The following CLVS1 variants were observed in gnomAD, a reference collection of about 807,000 sequenced individuals.
CLVS1 encodes clavesin 1, also known as clavesin-1.
A neutral mutation model predicts 33.1 loss-of-function variants in CLVS1; 10 were observed. The ratio of observed to expected loss-of-function variants is 0.30; its 90% confidence interval spans 0.19 to 0.51. The LOEUF (loss-of-function observed/expected upper bound fraction) is 0.51, where lower values mean the gene tolerates loss of function less well. Among genes scored for constraint, CLVS1 ranks in the 20% least tolerant of loss-of-function variants. CLVS1 has a pLI of 0.97. For synonymous variants in CLVS1, 163 were observed against 166.1 expected (o/e 0.98, Z 0.14); for missense variants, 343 against 433.4 (o/e 0.79, Z 1.85).
At chr8:61,483,412 T>A (rs1285787366) in intron 5 of CLVS1, among the ~76,000 whole-genome samples, 2 of 152,182 alleles carry the variant, frequency 1.3e-5, no homozygotes, top group Non-Finnish European at 2.9e-5. Context: ...AATCCCTGAA[T>A]ACACCAATAA....
chr8:61,183,848 A>G (rs1249096286), intron 2 of CLVS1, among the ~76,000 whole-genome samples: 2 of 152,220 alleles, frequency 1.3e-5, no homozygotes, highest in Non-Finnish European at 2.9e-5. Flanking sequence ...TGACAAGCTC[A>G]GGACAAAATC....
At chr8:61,296,856 C>G (rs557496460) in intron 1 of CLVS1, among the ~76,000 whole-genome samples, 2 of 152,234 alleles carry the variant, frequency 1.3e-5, no homozygotes, top group East Asian at 3.9e-4. Flanking sequence ...TTTGGCCACA[C>G]CCTGTATCAG....
intron 2 of CLVS1, among the ~76,000 whole-genome samples, chr8:61,263,343 C>T (rs1809244908): frequency 6.6e-6 from 1 of 152,152 alleles, no homozygotes; most frequent in African/African-American, 2.4e-5. Flanking sequence ...TAAAAATGCA[C>T]AGTTGATTTT....
chr8:61,174,954 G>A (rs986265282), intron 2 of CLVS1, among the ~76,000 whole-genome samples: 3 of 89,574 alleles, frequency 3.3e-5, no homozygotes, highest in East Asian at 2.6e-4. Flanking sequence ...ACCTAAGAGC[G>A]GAGACCTAGG....
intron 2 of CLVS1, among the ~76,000 whole-genome samples, chr8:61,143,303 A>C (rs998079359): frequency 1.3e-5 from 2 of 152,204 alleles, no homozygotes; most frequent in African/African-American, 4.8e-5. Context: ...AATAAGCCCC[A>C]GGATTCGCAC....
intron 3 of CLVS1, among the ~76,000 whole-genome samples, chr8:61,449,832 ACC>A (rs1816890333): frequency 1.3e-5 from 2 of 152,022 alleles, no homozygotes; most frequent in African/African-American, 4.8e-5. Context: ...TCTTCTCTCC[ACC>A]TTTGAAGTCT....
chr8:61,298,540 G>A (rs1443233846), intron 1 of CLVS1, among the ~76,000 whole-genome samples: 2 of 152,058 alleles, frequency 1.3e-5, no homozygotes, highest in African/African-American at 4.8e-5. Flanking sequence ...ATTAAGCAGA[G>A]CAATCATCAT....
chr8:61,368,311 A>T (rs1340650448), intron 2 of CLVS1, among the ~76,000 whole-genome samples: 1 of 152,246 alleles, frequency 6.6e-6, no homozygotes, highest in East Asian at 1.9e-4. Context: ...GGTGGATATG[A>T]ATGCTTTGCA....
chr8:61,053,356 G>A (rs11998416), upstream of CLVS1, among the ~76,000 whole-genome samples: 73,908 of 152,024 alleles, frequency 0.49, 18,534 homozygotes, highest in African/African-American at 0.61. Flanking sequence ...TTGGAGTGAG[G>A]AAGAGGAGAG....
At chr8:61,261,671 C>T (rs1809205881) in intron 2 of CLVS1, among the ~76,000 whole-genome samples, 1 of 152,174 alleles carries the variant, frequency 6.6e-6, no homozygotes, top group Non-Finnish European at 1.5e-5. Context: ...AAATAGCTCC[C>T]TGGTCCCTTC....
intron 3 of CLVS1, among the ~76,000 whole-genome samples, chr8:61,395,161 T>C (rs900597119): frequency 1.3e-5 from 2 of 152,118 alleles, no homozygotes; most frequent in African/African-American, 4.8e-5. Context: ...CATGACAACA[T>C]GGATGGAACT....
At chr8:61,229,526 C>A (rs1257068511) in intron 2 of CLVS1, among the ~76,000 whole-genome samples, 1 of 152,206 alleles carries the variant, frequency 6.6e-6, no homozygotes, top group Non-Finnish European at 1.5e-5. Context: ...CAAAAGCCCC[C>A]ATGCATGACA....
chr8:61,302,293 A>T lies in CLVS1; in HGVS notation c.455+2011A>T, dbSNP rs142086275. On this transcript the variant is annotated intron_variant, in intron 2 of 5. Coordinates refer to ENST00000325897, the MANE Select transcript of CLVS1 (RefSeq NM_173519.3). The stretch of plus-strand genomic sequence containing the variant: ...CTGTAATGATATGGAATAACATATC[A>T]TATATCATATCATAATTAACATAAT... Among the ~76,000 whole-genome samples, 32 of 152,352 alleles carry T rather than the reference A, an allele frequency of 2.1e-4. No homozygotes were observed. The East Asian group carries it at 6.0e-3, about 28-fold the overall frequency.
intron 5 of CLVS1, among the ~76,000 whole-genome samples, chr8:61,494,438 T>C (rs1051469380): frequency 1.2e-4 from 19 of 152,298 alleles, no homozygotes; most frequent in African/African-American, 4.1e-4. Flanking sequence ...CTGCCTGACC[T>C]TGGGGTTAAG....
chr8:61,133,108 A>G (rs928751105), intron 2 of CLVS1, among the ~76,000 whole-genome samples: 1 of 152,300 alleles, frequency 6.6e-6, no homozygotes, highest in Non-Finnish European at 1.5e-5. Flanking sequence ...GGAAGCATCA[A>G]CCAAGGGCCA....
intron 1 of CLVS1, chr8:61,057,310 A>G (rs976211141): frequency 1.3e-5 from 2 of 151,844 alleles, no homozygotes; most frequent in Non-Finnish European, 2.9e-5. Context: ...ATAAACAGCT[A>G]TCTACTCCAG....
chr8:61,496,235 A>G (rs917197001), intron 5 of CLVS1, among the ~76,000 whole-genome samples: 2 of 152,334 alleles, frequency 1.3e-5, no homozygotes, highest in Admixed American at 6.5e-5. Context: ...AAGTGAAGTC[A>G]TATGACAGAA....
the CLVS1 span, among the ~76,000 whole-genome samples, chr8:61,028,745 C>G: frequency 9.2e-5 from 14 of 152,164 alleles, no homozygotes; most frequent in Non-Finnish European, 1.5e-4. Context: ...TGCTGATGAT[C>G]CCAAGCAAAC....
At chr8:61,011,733 C>G in the CLVS1 span, among the ~76,000 whole-genome samples, 29 of 152,282 alleles carry the variant, frequency 1.9e-4, no homozygotes, top group Admixed American at 8.5e-4. Flanking sequence ...AGGCGTGAAC[C>G]ACCTTGCCCA....
Sources: allele counts gnomAD v4.1 joint callset (sites outside exome capture counted in the v4.1 genomes callset), GRCh38; gene constraint gnomAD v4.1.1; transcripts MANE v1.5; gene names NCBI Gene and HGNC (gene_info 2026-07-23, HGNC 2026-07-21).